ADGRF4: variants seen among roughly 807,000 people sequenced by gnomAD.
ADGRF4 encodes adhesion G protein-coupled receptor F4.
A neutral mutation model predicts 58.5 loss-of-function variants in ADGRF4; 63 were observed. The ratio of observed to expected loss-of-function variants is 1.08; its 90% CI spans 0.88 to 1.33. ADGRF4 has a LOEUF of 1.33. ADGRF4 is among the 40% of genes most tolerant of loss of function. The pLI is 0.00. For synonymous variants in ADGRF4, 313 were observed against 295.4 expected, an observed-to-expected ratio of 1.06 and a Z score of -0.61; for missense variants, 931 against 843.9, an observed-to-expected ratio of 1.10 and a Z score of -1.28.
chr6:47,705,032 G>T (rs972934614), intron 1 of ADGRF4, among the ~76,000 whole-genome samples: 1 of 152,084 alleles, frequency 6.6e-6, no homozygotes, highest in Non-Finnish European at 1.5e-5. Flanking sequence ...GGGTTTCAGC[G>T]ATTCTCCTGC....
chr6:47,711,013 G>A, intron 4 of ADGRF4, 127 bp downstream of exon 4: 1 of 847,888 alleles, frequency 1.2e-6, no homozygotes. Flanking sequence ...CTACAGAATG[G>A]GTTAAATTTG....
intron 1 of ADGRF4, among the ~76,000 whole-genome samples, chr6:47,704,768 G>C (rs910299422): frequency 2.6e-5 from 4 of 152,066 alleles, no homozygotes; most frequent in African/African-American, 9.7e-5. Context: ...CTTGTAGGTA[G>C]CAAAGATAAG....
At chr6:47,715,253 T>C (rs543114396) in intron 6 of ADGRF4, 76 bp downstream of exon 6, 83 of 1,052,844 alleles carry the variant, frequency 7.9e-5, no homozygotes, top group Non-Finnish European at 1.1e-4. Context: ...TGAAATTATA[T>C]AACACAAAAT....
At chr6:47,717,102 A>G in intron 7 of ADGRF4, among the ~76,000 whole-genome samples, 190 bp from the exon 8 acceptor site, 1 of 152,206 alleles carries the variant, frequency 6.6e-6, no homozygotes, top group East Asian at 1.9e-4. Flanking sequence ...TTTTAGTCCT[A>G]ATACCAAATC....
intron 4 of ADGRF4, among the ~76,000 whole-genome samples, chr6:47,711,112 C>CAA (rs35782783): frequency 2.7e-5 from 4 of 145,960 alleles, no homozygotes; most frequent in African/African-American, 5.2e-5. Context: ...AAACTTTTCT[C>CAA]AAAAAAAAAA....
At chr6:47,699,939 C>G (rs371263836) in intron 1 of ADGRF4, among the ~76,000 whole-genome samples, 8 of 151,410 alleles carry the variant, frequency 5.3e-5, no homozygotes, top group Non-Finnish European at 8.9e-5. Context: ...ACACACCCCC[C>G]CCCCCAAAAT....
Position 47,703,324 on chromosome 6 carries a change from C to G in ADGRF4, c.-16-3906C>G, listed in dbSNP as rs185137751. ...AATAAAATTTTAAATTCTTCATTCT[C>G]AGAATCCTTAAGCTCTTCTCTGCAG... On this transcript the variant is annotated intron_variant, in intron 1 of 9. Coordinates refer to ENST00000283303, the MANE Select transcript of ADGRF4 (RefSeq NM_153838.5). Among the ~76,000 whole-genome samples the G allele has an allele frequency of 3.0e-4, 45 of 152,306 alleles. No homozygotes were observed. The East Asian group carries it at 7.7e-3, about 26-fold the overall frequency.
chr6:47,713,631 C>T (rs552833306), intron 5 of ADGRF4, among the ~76,000 whole-genome samples, 167 bp from the exon 6 acceptor site: 15 of 152,134 alleles, frequency 9.9e-5, no homozygotes, highest in African/African-American at 3.4e-4. Flanking sequence ...ACTTTTCTTC[C>T]CTCTGTGTGG....
intron 1 of ADGRF4, among the ~76,000 whole-genome samples, chr6:47,705,900 C>T (rs1771698295): frequency 1.3e-5 from 2 of 152,110 alleles, no homozygotes; most frequent in African/African-American, 4.8e-5. Context: ...TGTCTGTTAC[C>T]CACTGAACAT....
At chr6:47,703,568 A>G (rs1357753721) in intron 1 of ADGRF4, among the ~76,000 whole-genome samples, 2 of 152,228 alleles carry the variant, frequency 1.3e-5, no homozygotes, top group Non-Finnish European at 2.9e-5. Flanking sequence ...TATCGGAAGG[A>G]AATTTACTAT....
chr6:47,720,637 C>T (rs527319907), intron 9 of ADGRF4, among the ~76,000 whole-genome samples: 25 of 152,114 alleles, frequency 1.6e-4, no homozygotes, highest in African/African-American at 3.1e-4. Context: ...GAGAGGGCCA[C>T]GGCATTCTGT....
chr6:47,708,968 G>A (rs1394954632), intron 3 of ADGRF4, among the ~76,000 whole-genome samples: 2 of 151,070 alleles, frequency 1.3e-5, no homozygotes, highest in Non-Finnish European at 2.9e-5. Flanking sequence ...CAACATTATG[G>A]CATCATATTC....
rs765704265 is a variant in ADGRF4, at chr6:47,708,240, A to G, written c.110A>G (p.Gln37Arg). The G allele has an allele frequency of 2.5e-6, 4 of 1,612,498 alleles. No homozygotes were observed. In the Admixed American group the frequency reaches 6.7e-5, roughly 27 times the overall value. ...KIHLKAGDKL[Q>R]SPEGKPKTGR... Reference sequence around the variant, plus strand: ...ATTTTTCAGGCTGGAGATAAACTTCAAAGCCCTGAAGGGAAACCCAAGACT... The same window carrying G: ...ATTTTTCAGGCTGGAGATAAACTTCGAAGCCCTGAAGGGAAACCCAAGACT... The change falls in exon 3 of 10, where the codon CAA (glutamine) becomes CGA (arginine). Residue 37 changes from glutamine to arginine, a missense_variant. By Grantham distance (43) the Gln-to-Arg change is conservative. Coordinates refer to ENST00000283303, the MANE Select transcript of ADGRF4 (RefSeq NM_153838.5).
chr6:47,709,103 T>A (rs1260533830), intron 3 of ADGRF4, among the ~76,000 whole-genome samples: 3 of 150,922 alleles, frequency 2.0e-5, no homozygotes, highest in Non-Finnish European at 4.4e-5. Flanking sequence ...TTGGTTCCTT[T>A]TCCAGTGAAT....
intron 9 of ADGRF4, among the ~76,000 whole-genome samples, chr6:47,718,884 A>G (rs113106931): frequency 1.8e-4 from 27 of 152,270 alleles, no homozygotes; most frequent in African/African-American, 6.3e-4. Context: ...CTTATAGCCA[A>G]CCCCTGAGAC....
At chr6:47,708,898 C>T (rs915731343) in intron 3 of ADGRF4, among the ~76,000 whole-genome samples, 1 of 152,278 alleles carries the variant, frequency 6.6e-6, no homozygotes, top group South Asian at 2.1e-4. Flanking sequence ...ATTTACTGGG[C>T]ATTTAAGACA....
At chr6:47,701,531 T>G (rs1771587975) in intron 1 of ADGRF4, among the ~76,000 whole-genome samples, 1 of 152,210 alleles carries the variant, frequency 6.6e-6, no homozygotes, top group Admixed American at 6.5e-5. Flanking sequence ...TGACTAACCC[T>G]TTATTTACCT....
chr6:47,699,288 T>C (rs771346029), intron 1 of ADGRF4, among the ~76,000 whole-genome samples: 3 of 152,252 alleles, frequency 2.0e-5, no homozygotes, highest in African/African-American at 4.8e-5. Flanking sequence ...AAGTGGCCAA[T>C]TCTATGCTAC....
chr6:47,721,873 A>T lies in ADGRF4; in HGVS notation c.*668A>T, dbSNP rs1772172005. 1 of 152,220 alleles carries T rather than the reference A, an allele frequency of 6.6e-6. No homozygotes were observed. The highest frequency in any genetic ancestry group is 2.4e-5 in the African/African-American group (1 of 41,470). The allele number at this position is 152,220 out of a possible 1,614,324, so 9.4% of individuals were successfully genotyped here. ...TTCCTTATTTGTGAAACAGGAAAAAAAAATTCTTGTAGGTATTACTGTTTG... is the reference window on the plus strand; with the variant it reads ...TTCCTTATTTGTGAAACAGGAAAAATAAATTCTTGTAGGTATTACTGTTTG... On this transcript the variant is annotated 3_prime_UTR_variant, in exon 10 of 10. Transcript: ENST00000283303.
Sources: allele counts gnomAD v4.1 joint callset (sites outside exome capture counted in the v4.1 genomes callset), GRCh38; gene constraint gnomAD v4.1.1; transcripts MANE v1.5; gene names NCBI Gene and HGNC (gene_info 2026-07-23, HGNC 2026-07-21).